The following VPS13C variants were observed in gnomAD, a reference collection of about 807,000 sequenced individuals.
VPS13C encodes the protein intermembrane lipid transfer protein VPS13C.
In VPS13C, 358 loss-of-function variants were observed where a neutral mutation model predicts 456.8. That is an observed-to-expected ratio of 0.78 (90% CI 0.72 to 0.86). The LOEUF is 0.86. Among genes scored for constraint, VPS13C ranks in the 40% least tolerant of loss-of-function variants. VPS13C has a pLI of 0.00. For missense variants in VPS13C, 4,818 were observed against 4,385.4 expected (o/e 1.10, Z -2.79); for synonymous variants, 1,578 against 1,486.7 (o/e 1.06, Z -1.41).
In VPS13C at chr15:62,013,070, A is replaced by G. The variant is rs749984688; in HGVS notation, c.794T>C (p.Met265Thr). The G allele has an allele frequency of 5.6e-6, 9 of 1,611,200 alleles. No individual in the cohort carries two copies. In the Admixed American group the frequency reaches 1.3e-4, roughly 24 times the overall value. ...LSAYWNVNCS[M>T]SYQRSREQIL... is the part of the protein sequence containing the mutation. Reference sequence around the variant, plus strand: ...CTGTTCCCTTGATCTCTGGTAAGACATGCTGCAATTTACATTCCAGTAGGC... The same window carrying G: ...CTGTTCCCTTGATCTCTGGTAAGACGTGCTGCAATTTACATTCCAGTAGGC... Residue 265 changes from methionine to threonine, a missense_variant, in exon 11 of 85, where the codon ATG becomes ACG. Physicochemically the swap from Met to Thr is moderately conservative, Grantham distance 81. Transcript: ENST00000644861.
chr15:62,031,712 C>T (rs1401020025), intron 5 of VPS13C, among the ~76,000 whole-genome samples: 1 of 151,870 alleles, frequency 6.6e-6, no homozygotes, highest in Non-Finnish European at 1.5e-5. Flanking sequence ...TTACCATATA[C>T]AGCATAGGCC....
chr15:62,049,692 C>A (rs911251698), intron 1 of VPS13C, among the ~76,000 whole-genome samples: 2 of 152,146 alleles, frequency 1.3e-5, no homozygotes, highest in African/African-American at 4.8e-5. Context: ...TTACCTTGGG[C>A]AGTATGGCCA....
At chr15:61,903,813 C>G (rs564634104) in intron 66 of VPS13C, among the ~76,000 whole-genome samples, 3 of 152,038 alleles carry the variant, frequency 2.0e-5, no homozygotes, top group Non-Finnish European at 2.9e-5. Flanking sequence ...ATAGAGAACC[C>G]GGAAATAAAT....
At chr15:61,991,923 A>C in intron 16 of VPS13C, 121 bp from the exon 17 acceptor site, 10 of 1,073,954 alleles carry the variant, frequency 9.3e-6, no homozygotes, top group Non-Finnish European at 1.3e-5. Flanking sequence ...ACATTGCACC[A>C]GTCAAGATCT....
intron 16 of VPS13C, among the ~76,000 whole-genome samples, chr15:62,000,341 G>C (rs2046565715): frequency 6.6e-6 from 1 of 151,990 alleles, no homozygotes; most frequent in Admixed American, 6.6e-5. Flanking sequence ...TCCCAGCCCG[G>C]GAGACAGAGC....
intron 4 of VPS13C, among the ~76,000 whole-genome samples, chr15:62,034,310 A>G (rs925216294): frequency 6.6e-6 from 1 of 151,730 alleles, no homozygotes; most frequent in African/African-American, 2.4e-5. Flanking sequence ...TGCATAAACT[A>G]AAGACTGAAG....
intron 18 of VPS13C, among the ~76,000 whole-genome samples, chr15:61,989,079 T>C (rs2046144583): frequency 6.6e-6 from 1 of 151,046 alleles, no homozygotes; most frequent in African/African-American, 2.4e-5. Context: ...AGTCTAGCCA[T>C]CAAAAGATAT....
intron 66 of VPS13C, among the ~76,000 whole-genome samples, chr15:61,895,599 G>A (rs1056674589): frequency 6.6e-6 from 1 of 152,102 alleles, no homozygotes; most frequent in Non-Finnish European, 1.5e-5. Flanking sequence ...AAACACAGAA[G>A]ACAGAGATAA....
intron 24 of VPS13C, 70 bp from the exon 25 acceptor site, chr15:61,974,487 T>A (rs919602347): frequency 6.6e-7 from 1 of 1,521,390 alleles, no homozygotes; most frequent in South Asian, 1.2e-5. Context: ...ATTGCATTAA[T>A]GTAATTAGAT....
chr15:61,927,262 T>C lies in VPS13C; in HGVS notation c.6345A>G (p.Val2115=), dbSNP rs2043882516. 3 of 1,614,180 alleles carry C rather than the reference T, an allele frequency of 1.9e-6. No individual in the cohort carries two copies. Among genetic ancestry groups the C allele is most frequent in the Non-Finnish European group, 8.5e-7 (1 of 1,180,010 alleles). Residue 2115 remains valine, a synonymous_variant, in exon 52 of 85, where the codon GTA becomes GTG. Coordinates refer to ENST00000644861, the MANE Select transcript of VPS13C (RefSeq NM_020821.3). ...LKAMITDPEV[V]FVASLTKADA... ...CAGCCTTTGTCAGGCTGGCAACAAA[T>C]ACCACTTCTGGATCTGTGATCATGG...
chr15:62,005,999 C>A (rs1304019095), intron 15 of VPS13C, among the ~76,000 whole-genome samples: 1 of 151,922 alleles, frequency 6.6e-6, no homozygotes, highest in Non-Finnish European at 1.5e-5. Flanking sequence ...CCACCACGCC[C>A]GGCCGTGTTT....
chr15:61,981,780 G>A (rs1041550522), intron 21 of VPS13C, among the ~76,000 whole-genome samples: 41 of 152,124 alleles, frequency 2.7e-4, no homozygotes, highest in African/African-American at 7.9e-4. Context: ...GGAGAATGGC[G>A]TGAACCCAGG....
chr15:61,941,659 A>G lies in VPS13C; in HGVS notation c.5453+104T>C, dbSNP rs2044429319. The stretch of plus-strand genomic sequence containing the variant: ...TCAAGGTTTCATAATTAGAAGAAAT[A>G]AGGAATGAAAACCACAAATTACTAC... On this transcript the variant is annotated intron_variant, in intron 46 of 84. Transcript: ENST00000644861. 2.4e-6 allele frequency: 3 copies of G among 1,228,146 alleles called. No individual in the cohort carries two copies. The South Asian group carries it at 4.9e-5, about 20-fold the overall frequency. 76.1% of individuals were successfully genotyped at this position (1,228,146 alleles called of 1,614,324 possible).
At chr15:62,009,427 C>G (rs570578558) in intron 13 of VPS13C, among the ~76,000 whole-genome samples, 1 of 151,692 alleles carries the variant, frequency 6.6e-6, no homozygotes, top group Admixed American at 6.6e-5. Context: ...GCAGTTCTAA[C>G]TAAAGGTTAC....
chr15:61,864,767 C>T (rs1481706075), intron 81 of VPS13C: 3 of 985,294 alleles, frequency 3.0e-6, no homozygotes, highest in Non-Finnish European at 3.6e-6. Context: ...CTACTTGTTT[C>T]ACAATTCACT....
chr15:61,861,613 G>C (rs1312121435), intron 82 of VPS13C, among the ~76,000 whole-genome samples: 1 of 152,146 alleles, frequency 6.6e-6, no homozygotes, highest in Non-Finnish European at 1.5e-5. Context: ...GCTGAGGCTG[G>C]AGGATCACTT....
chr15:61,983,018 G>A (rs997648161), intron 20 of VPS13C, among the ~76,000 whole-genome samples: 2 of 152,166 alleles, frequency 1.3e-5, no homozygotes, highest in Non-Finnish European at 2.9e-5. Context: ...GATGAAAACA[G>A]TTCTGGAGAC....
chr15:62,019,777 G>A (rs1813420618), intron 9 of VPS13C, among the ~76,000 whole-genome samples: 1 of 151,862 alleles, frequency 6.6e-6, no homozygotes, highest in Non-Finnish European at 1.5e-5. Flanking sequence ...GATTTGGGGT[G>A]GACAGTTCTG....
rs748511931 is a variant in VPS13C, at chr15:61,907,340, G to A, written c.9029C>T (p.Ala3010Val). The change falls in exon 66 of 85, where the codon GCC becomes GTC. Residue 3010 changes from alanine to valine, a missense_variant. Ala to Val is a moderately conservative substitution (Grantham distance 64). This residue lies in a region of VPS13C where 4,552 missense variants were observed against 4,130.6 expected (regional missense o/e 1.10). Coordinates refer to ENST00000644861, the MANE Select transcript of VPS13C (RefSeq NM_020821.3). ...VLLPRQARLF[A>V]WADPTGTRKL... ...TCTGGTACCAGTAGGATCTGCCCAG[G>A]CAAAAAGTCGAGCCTGTCTTGGCAG... 1.9e-6 allele frequency: 3 copies of A among 1,613,972 alleles called. No individual in the cohort carries two copies. The highest frequency in any genetic ancestry group is 1.7e-5 in the Admixed American group (1 of 60,004).
Sources: gnomAD v4.1 joint callset for allele counts (sites outside exome capture counted in the v4.1 genomes callset) on GRCh38, gnomAD v4.1.1 for gene constraint, gnomAD v4.1.1 regional missense constraint, MANE v1.5 for transcripts, NCBI Gene and HGNC (gene_info 2026-07-23, HGNC 2026-07-21) for gene names.